EBF2: variants seen among roughly 807,000 people sequenced by gnomAD.
The protein encoded by EBF2 is EBF transcription factor 2.
A neutral mutation model predicts 72.8 loss-of-function variants in EBF2; 21 were observed. That is an observed-to-expected ratio of 0.29 (90% CI 0.20 to 0.42). The LOEUF (loss-of-function observed/expected upper bound fraction) is 0.42. Ranked by LOEUF, EBF2 falls within the 10% of genes least tolerant of loss-of-function variation. The probability of loss-of-function intolerance (pLI) is 1.00; values close to 1 mark genes in which losing one functional copy is unlikely to be tolerated. For missense variants in EBF2, 637 were observed against 731.2 expected, an observed-to-expected ratio of 0.87 and a Z score of 1.49; for synonymous variants, 299 against 274.2, an observed-to-expected ratio of 1.09 and a Z score of -0.89.
chr8:25,938,971 A>G (rs1243147410), intron 6 of EBF2, among the ~76,000 whole-genome samples: 4 of 152,118 alleles, frequency 2.6e-5, no homozygotes, highest in Non-Finnish European at 5.9e-5. Flanking sequence ...TGAGCTTCCC[A>G]GAGACCTGGG....
intron 10 of EBF2, among the ~76,000 whole-genome samples, chr8:25,872,262 C>G (rs1057134156): frequency 6.6e-5 from 10 of 152,142 alleles, no homozygotes; most frequent in African/African-American, 2.2e-4. Context: ...ATGGCAACAT[C>G]AAGGCCTGGT....
At chr8:25,870,584 G>A (rs1802419369) in intron 10 of EBF2, among the ~76,000 whole-genome samples, 2 of 152,092 alleles carry the variant, frequency 1.3e-5, no homozygotes, top group African/African-American at 4.8e-5. Flanking sequence ...GCACAGAGGT[G>A]GGATGGAGAT....
intron 14 of EBF2, among the ~76,000 whole-genome samples, chr8:25,853,608 T>C (rs1802027011): frequency 6.6e-6 from 1 of 152,116 alleles, no homozygotes; most frequent in African/African-American, 2.4e-5. Context: ...TTAAAATGTG[T>C]ACATCCCTTG....
chr8:25,943,617 G>T (rs996472420), intron 6 of EBF2, among the ~76,000 whole-genome samples: 4 of 152,010 alleles, frequency 2.6e-5, no homozygotes, highest in Non-Finnish European at 1.5e-5. Context: ...CTTGTACCTG[G>T]TTCACCCTCA....
chr8:26,001,067 T>A lies in EBF2; in HGVS notation c.551+32018A>T, dbSNP rs142728039. Among the ~76,000 whole-genome samples, 241 of 152,346 alleles carry A rather than the reference T, an allele frequency of 1.6e-3. 4 individuals are homozygous for A. The highest frequency in any genetic ancestry group is 5.3e-4 in the Non-Finnish European group (36 of 68,024). ...ACTCCTAGCATGGGAAGCAATCTTA[T>A]GGTCTTTGGGGTACCTAAAAAGATG... On this transcript the variant is annotated intron_variant, in intron 6 of 15. Coordinates refer to ENST00000520164, the MANE Select transcript of EBF2 (RefSeq NM_022659.4).
chr8:25,976,742 G>T (rs1804274616), intron 6 of EBF2, among the ~76,000 whole-genome samples: 1 of 152,206 alleles, frequency 6.6e-6, no homozygotes. Flanking sequence ...CATTAGGGTT[G>T]CTTGTGTTGG....
intron 6 of EBF2, among the ~76,000 whole-genome samples, chr8:25,974,083 G>A (rs757010835): frequency 1.3e-5 from 2 of 152,322 alleles, no homozygotes; most frequent in African/African-American, 2.4e-5. Context: ...TGGAAACAAT[G>A]CAAAAGATTT....
chr8:25,859,638 G>T (rs1403548259), intron 13 of EBF2, among the ~76,000 whole-genome samples: 4 of 151,940 alleles, frequency 2.6e-5, no homozygotes, highest in Admixed American at 1.3e-4. Context: ...ACCCAAATTT[G>T]TCACCAAATG....
At chr8:25,892,548 G>C (rs1802802859) in intron 7 of EBF2, among the ~76,000 whole-genome samples, 1 of 152,050 alleles carries the variant, frequency 6.6e-6, no homozygotes, top group Non-Finnish European at 1.5e-5. Flanking sequence ...CCCACCACCA[G>C]CAAAGCAATA....
intron 6 of EBF2, among the ~76,000 whole-genome samples, chr8:25,922,514 T>A (rs1803320930): frequency 6.6e-6 from 1 of 152,220 alleles, no homozygotes; most frequent in Non-Finnish European, 1.5e-5. Flanking sequence ...CTTTTAGATA[T>A]CTACATAGAT....
At chr8:25,914,859 A>G (rs1803185016) in intron 6 of EBF2, among the ~76,000 whole-genome samples, 1 of 152,236 alleles carries the variant, frequency 6.6e-6, no homozygotes, top group African/African-American at 2.4e-5. Flanking sequence ...AGACATTCCT[A>G]AGGCAGGGAC....
At chr8:25,932,767 A>C (rs1803505551) in intron 6 of EBF2, among the ~76,000 whole-genome samples, 1 of 152,208 alleles carries the variant, frequency 6.6e-6, no homozygotes, top group Non-Finnish European at 1.5e-5. Flanking sequence ...TATTAGCAAA[A>C]TGAGAGTACT....
At chr8:25,854,209 T>C (rs571986996) in intron 14 of EBF2, among the ~76,000 whole-genome samples, 1 of 149,214 alleles carries the variant, frequency 6.7e-6, no homozygotes, top group Admixed American at 6.7e-5. Context: ...AACAAAGTTG[T>C]CTATTACTCT....
chr8:25,856,147 C>CT (rs1285176799), intron 14 of EBF2, among the ~76,000 whole-genome samples: 1 of 152,076 alleles, frequency 6.6e-6, no homozygotes, highest in African/African-American at 2.4e-5. Context: ...TTTCATTCAT[C>CT]TTTTTTTCCT....
intron 6 of EBF2, among the ~76,000 whole-genome samples, chr8:25,985,766 G>A (rs1447942072): frequency 6.6e-6 from 1 of 152,076 alleles, no homozygotes; most frequent in Non-Finnish European, 1.5e-5. Flanking sequence ...TTGGGAGGCT[G>A]AGGCAGGCCG....
intron 6 of EBF2, among the ~76,000 whole-genome samples, chr8:25,919,748 T>C (rs1803278247): frequency 2.0e-5 from 3 of 152,218 alleles, no homozygotes; most frequent in Admixed American, 6.5e-5. Context: ...AGGGGTACTG[T>C]TTCTGCTTCT....
At chr8:25,925,537 C>A (rs975474428) in intron 6 of EBF2, among the ~76,000 whole-genome samples, 10 of 152,220 alleles carry the variant, frequency 6.6e-5, no homozygotes, top group African/African-American at 1.9e-4. Context: ...CTCTCACCCC[C>A]CAACCCACCA....
In EBF2 at chr8:25,885,845, CT is replaced by C. The variant is rs568184632; in HGVS notation, c.1009+909del. On this transcript the variant is annotated intron_variant, in intron 10 of 15. Transcript: ENST00000520164. ...AAAAATTACCCAGTCTCGGGTATGT[CT>C]TTATCAGCAGCATGAAAACGGACTA... is the stretch of plus-strand genomic sequence containing the variant. 2.4e-4 allele frequency among the ~76,000 whole-genome samples: 37 copies of C among 152,290 alleles called. 1 individual carries two copies. The South Asian group carries it at 7.7e-3, about 32-fold the overall frequency.
chr8:25,939,592 C>T (rs1399984792), intron 6 of EBF2, among the ~76,000 whole-genome samples: 2 of 152,210 alleles, frequency 1.3e-5, no homozygotes, highest in Admixed American at 1.3e-4. Flanking sequence ...GGCTTCTCTG[C>T]ATAAGTTCAG....
Sources: allele counts gnomAD v4.1 joint callset (sites outside exome capture counted in the v4.1 genomes callset), GRCh38; gene constraint gnomAD v4.1.1; transcripts MANE v1.5; gene names NCBI Gene and HGNC (gene_info 2026-07-23, HGNC 2026-07-21).